The following EPHA4 variants were observed in gnomAD, a reference collection of about 807,000 sequenced individuals.
EPHA4 encodes the protein EPH receptor A4, also known as ephrin type-A receptor 4.
In EPHA4, 19 loss-of-function variants were observed where a neutral mutation model predicts 108.3. The ratio of observed to expected loss-of-function variants is 0.18; its 90% CI spans 0.12 to 0.26. The LOEUF (loss-of-function observed/expected upper bound fraction) is 0.26, where lower values mean the gene tolerates loss of function less well. Among genes scored for constraint, EPHA4 ranks in the 10% least tolerant of loss-of-function variants. The probability of loss-of-function intolerance (pLI) is 1.00; values close to 1 mark genes in which losing one functional copy is unlikely to be tolerated. For synonymous variants in EPHA4, 449 were observed against 455.5 expected (o/e 0.99, Z 0.18); for missense variants, 917 against 1,254.0 (o/e 0.73, Z 4.06).
chr2:221,525,103 A>G (rs1321209781), intron 3 of EPHA4, among the ~76,000 whole-genome samples: 1 of 152,184 alleles, frequency 6.6e-6, no homozygotes, highest in Non-Finnish European at 1.5e-5. Context: ...AGAAATTTCT[A>G]TTTCATAAAA....
intron 5 of EPHA4, among the ~76,000 whole-genome samples, chr2:221,467,117 A>G (rs1187585657): frequency 3.3e-5 from 5 of 152,222 alleles, no homozygotes; most frequent in Non-Finnish European, 1.5e-5. Flanking sequence ...ACTAATCTAA[A>G]GAGCTAAGAC....
chr2:221,442,714 C>T (rs573227749), intron 11 of EPHA4, 115 bp downstream of exon 11: 521 of 1,082,628 alleles, frequency 4.8e-4, no homozygotes, highest in Non-Finnish European at 6.7e-4. Context: ...GCACTGATTT[C>T]CTCCTATTAG....
chr2:221,431,600 C>A (rs3770204), intron 14 of EPHA4, among the ~76,000 whole-genome samples: 3 of 152,030 alleles, frequency 2.0e-5, no homozygotes, highest in African/African-American at 7.2e-5. Flanking sequence ...AATTACACTA[C>A]GTCAGTTTGA....
chr2:221,545,134 A>G (rs2106193772), intron 3 of EPHA4, among the ~76,000 whole-genome samples: 2 of 152,356 alleles, frequency 1.3e-5, no homozygotes, highest in Middle Eastern at 6.8e-3. Context: ...TACAAAGTCA[A>G]ATTCAGAATT....
Position 221,457,812 on chromosome 2 carries a change from A to AGAAG in EPHA4, c.1443+50_1443+53dup, listed in dbSNP as rs879197221. ...AAGGAGAAAGGAAAGAAGAAAACAA[A>AGAAG]GAAGGAAGGAAGGAAGGAAGAAAGG... On this transcript the variant is annotated intron_variant, in intron 6 of 17. Coordinates refer to ENST00000281821, the MANE Select transcript of EPHA4 (RefSeq NM_004438.5). The AGAAG allele has an allele frequency of 2.1e-4, 335 of 1,585,600 alleles. 1 individual carries two copies. Among genetic ancestry groups the AGAAG allele is most frequent in the African/African-American group, 1.3e-3 (93 of 74,218 alleles).
chr2:221,463,899 A>C (rs917364202), intron 5 of EPHA4, among the ~76,000 whole-genome samples: 2 of 152,234 alleles, frequency 1.3e-5, no homozygotes, highest in African/African-American at 4.8e-5. Context: ...AATTAAAAAC[A>C]GTTTGGGGGG....
At chr2:221,451,360 A>G (rs144628149) in intron 8 of EPHA4, among the ~76,000 whole-genome samples, 289 of 152,318 alleles carry the variant, frequency 1.9e-3, no homozygotes, top group African/African-American at 6.5e-3. Context: ...AAATTAGCAT[A>G]GATTCAGTCA....
At chr2:221,454,557 A>C (rs1690881433) in intron 8 of EPHA4, among the ~76,000 whole-genome samples, 1 of 152,220 alleles carries the variant, frequency 6.6e-6, no homozygotes, top group Admixed American at 6.5e-5. Flanking sequence ...CCCCAGGCTT[A>C]GCCCTTTTTT....
intron 7 of EPHA4, among the ~76,000 whole-genome samples, 175 bp from the exon 8 acceptor site, chr2:221,455,833 C>G (rs1574578143): frequency 6.6e-6 from 1 of 152,276 alleles, no homozygotes; most frequent in African/African-American, 2.4e-5. Context: ...TATCAAAAAC[C>G]TGCCTATTTT....
intron 5 of EPHA4, among the ~76,000 whole-genome samples, chr2:221,477,469 T>C (rs1691692219): frequency 6.6e-6 from 1 of 152,196 alleles, no homozygotes; most frequent in Non-Finnish European, 1.5e-5. Flanking sequence ...GTGTTGTGAA[T>C]TATAAGATGT....
At chr2:221,451,777 T>C (rs1343107854) in intron 8 of EPHA4, among the ~76,000 whole-genome samples, 1 of 152,212 alleles carries the variant, frequency 6.6e-6, no homozygotes, top group African/African-American at 2.4e-5. Context: ...ACAATATAGC[T>C]AAATCAATGT....
chr2:221,431,371 A>C (rs867562678), intron 14 of EPHA4, among the ~76,000 whole-genome samples: 2 of 152,226 alleles, frequency 1.3e-5, no homozygotes, highest in Non-Finnish European at 2.9e-5. Flanking sequence ...TCGAAAGAAA[A>C]GAGTCTGTTG....
At chr2:221,555,160 C>A (rs1372623288) in intron 3 of EPHA4, among the ~76,000 whole-genome samples, 1 of 152,148 alleles carries the variant, frequency 6.6e-6, no homozygotes, top group Non-Finnish European at 1.5e-5. Context: ...TGACAACCAG[C>A]CACACTGGGG....
chr2:221,540,819 CCTCA>C (rs753135598), intron 3 of EPHA4, among the ~76,000 whole-genome samples: 7 of 152,058 alleles, frequency 4.6e-5, no homozygotes, highest in Non-Finnish European at 7.3e-5. Flanking sequence ...CTTGTCGAAA[CCTCA>C]CTGACATAGG....
At chr2:221,488,096 A>G (rs1365932290) in intron 4 of EPHA4, among the ~76,000 whole-genome samples, 1 of 152,140 alleles carries the variant, frequency 6.6e-6, no homozygotes, top group Non-Finnish European at 1.5e-5. Context: ...CAACTCTGTA[A>G]TTCTATCTCC....
At chr2:221,557,567 C>T (rs576731041) in intron 3 of EPHA4, among the ~76,000 whole-genome samples, 27 of 152,318 alleles carry the variant, frequency 1.8e-4, no homozygotes, top group African/African-American at 5.8e-4. Context: ...TACAATTGCA[C>T]ATCTGATTAA....
At chr2:221,478,420 C>T (rs1691723831) in intron 5 of EPHA4, among the ~76,000 whole-genome samples, 1 of 152,150 alleles carries the variant, frequency 6.6e-6, no homozygotes, top group African/African-American at 2.4e-5. Context: ...ATCAGGACTA[C>T]CTGCTTCTAA....
intron 5 of EPHA4, among the ~76,000 whole-genome samples, chr2:221,461,665 C>G (rs1016958153): frequency 6.6e-6 from 1 of 152,062 alleles, no homozygotes; most frequent in African/African-American, 2.4e-5. Context: ...TAAGCATGGC[C>G]AGATAGAAAA....
intron 3 of EPHA4, among the ~76,000 whole-genome samples, chr2:221,554,288 T>C (rs1327781440): frequency 6.6e-6 from 1 of 152,206 alleles, no homozygotes; most frequent in African/African-American, 2.4e-5. Flanking sequence ...AGATGTTGTT[T>C]TAACTGACTT....
Sources: allele counts gnomAD v4.1 joint callset (sites outside exome capture counted in the v4.1 genomes callset), GRCh38; gene constraint gnomAD v4.1.1; transcripts MANE v1.5; gene names NCBI Gene and HGNC (gene_info 2026-07-23, HGNC 2026-07-21).